Variants in KCNAB1 observed in about 807,000 individuals in gnomAD.
KCNAB1 encodes voltage-gated potassium channel subunit beta-1.
KCNAB1 carries 35 observed loss-of-function variants against 64.6 expected under a neutral mutation model. The observed-to-expected ratio is 0.54, with a 90% CI of 0.41 to 0.72. The LOEUF (loss-of-function observed/expected upper bound fraction) is 0.72, where lower values mean the gene tolerates loss of function less well. KCNAB1 is among the 30% of genes least tolerant of loss of function. The pLI, the probability that KCNAB1 is intolerant of heterozygous loss-of-function variation, is 0.00. For synonymous variants in KCNAB1, 177 were observed against 183.8 expected (o/e 0.96, Z 0.30); for missense variants, 401 against 512.9 (o/e 0.78, Z 2.11).
intron 8 of KCNAB1, among the ~76,000 whole-genome samples, chr3:156,476,729 A>G (rs1329506107): frequency 2.6e-5 from 4 of 152,160 alleles, no homozygotes; most frequent in Non-Finnish European, 5.9e-5. Flanking sequence ...ACTGTTTTCC[A>G]TAGTGGCTGT....
At chr3:156,330,872 G>A (rs1270765549) in intron 1 of KCNAB1, among the ~76,000 whole-genome samples, 1 of 152,146 alleles carries the variant, frequency 6.6e-6, no homozygotes, top group East Asian at 1.9e-4. Context: ...AAGCTTTATA[G>A]CAAAGCCCTT....
At chr3:156,350,473 C>T (rs1042135453) in intron 1 of KCNAB1, among the ~76,000 whole-genome samples, 2 of 149,038 alleles carry the variant, frequency 1.3e-5, no homozygotes, top group East Asian at 3.9e-4. Flanking sequence ...CACCACTGCA[C>T]TGTAGCCCCA....
At chr3:156,225,575 A>G (rs1716102221) in intron 1 of KCNAB1, among the ~76,000 whole-genome samples, 1 of 152,206 alleles carries the variant, frequency 6.6e-6, no homozygotes, top group African/African-American at 2.4e-5. Context: ...AGCCAGAGCA[A>G]TCAGACAAGA....
At chr3:156,492,968 T>C (rs1410509834) in intron 8 of KCNAB1, among the ~76,000 whole-genome samples, 2 of 152,148 alleles carry the variant, frequency 1.3e-5, no homozygotes, top group African/African-American at 4.8e-5. Context: ...CTTTGAGCAT[T>C]GACTCTTTAA....
intron 3 of KCNAB1, 134 bp downstream of exon 3, chr3:156,453,070 C>T (rs1712123146): frequency 1.8e-6 from 1 of 552,792 alleles, no homozygotes; most frequent in Non-Finnish European, 3.2e-6. Context: ...AAAATTGACT[C>T]AGAGATTATT....
intron 1 of KCNAB1, among the ~76,000 whole-genome samples, chr3:156,395,892 C>G (rs1048082123): frequency 6.6e-5 from 10 of 152,204 alleles, no homozygotes; most frequent in Non-Finnish European, 2.9e-5. Flanking sequence ...ACCTTCCTTA[C>G]TATTTCATAC....
At chr3:156,359,551 A>T (rs1725471131) in intron 1 of KCNAB1, among the ~76,000 whole-genome samples, 1 of 152,232 alleles carries the variant, frequency 6.6e-6, no homozygotes, top group Non-Finnish European at 1.5e-5. Context: ...AAGATCAGTG[A>T]CCTTAAAAAC....
intron 8 of KCNAB1, among the ~76,000 whole-genome samples, chr3:156,496,388 A>T (rs765094731): frequency 6.6e-6 from 1 of 151,962 alleles, no homozygotes; most frequent in Admixed American, 6.6e-5. Context: ...GTCTCATGAG[A>T]TCTGATGGTT....
chr3:156,224,674 C>A (rs1716035827), intron 1 of KCNAB1, among the ~76,000 whole-genome samples: 2 of 151,934 alleles, frequency 1.3e-5, no homozygotes, highest in Admixed American at 1.3e-4. Flanking sequence ...AATTGATAGA[C>A]CATTAGAGAG....
In KCNAB1 at chr3:156,397,470, T is replaced by A. The variant is rs1022184085; in HGVS notation, c.276-24146T>A. Among the ~76,000 whole-genome samples the A allele has an allele frequency of 2.0e-5, 3 of 152,216 alleles. No homozygotes were observed. The East Asian group carries it at 5.8e-4, about 29-fold the overall frequency. On this transcript the variant is annotated intron_variant, in intron 1 of 13. Transcript: ENST00000490337. ...AGAAAGACCTCAGGAATGGCTCATG[T>A]GGGAAATTAAGCTGTCTTTCTGAAG...
intron 1 of KCNAB1, among the ~76,000 whole-genome samples, chr3:156,302,169 C>T (rs188860147): frequency 1.3e-5 from 2 of 152,266 alleles, no homozygotes; most frequent in East Asian, 1.9e-4. Flanking sequence ...GTTCTGTCTT[C>T]ACGTCTCTTT....
chr3:156,122,295 C>T (rs187575693), intron 1 of KCNAB1, among the ~76,000 whole-genome samples: 9 of 152,298 alleles, frequency 5.9e-5, no homozygotes, highest in African/African-American at 9.6e-5. Context: ...TATTAAAGAT[C>T]CTCTAGGAAA....
intron 1 of KCNAB1, among the ~76,000 whole-genome samples, chr3:156,276,766 C>T (rs1020177118): frequency 1.3e-5 from 2 of 152,128 alleles, no homozygotes; most frequent in African/African-American, 4.8e-5. Flanking sequence ...TGGCCTTGCT[C>T]TGGATTGTGC....
intron 1 of KCNAB1, among the ~76,000 whole-genome samples, chr3:156,271,757 T>C (rs1042500884): frequency 5.9e-5 from 9 of 152,234 alleles, no homozygotes; most frequent in African/African-American, 2.2e-4. Context: ...TTGTAAATGT[T>C]CACCAGTGTC....
intron 1 of KCNAB1, among the ~76,000 whole-genome samples, chr3:156,314,725 A>G (rs9843027): frequency 0.015 from 2,328 of 152,352 alleles, 63 homozygotes; most frequent in African/African-American, 0.053. Context: ...TTCAATTTCT[A>G]TTACAGGCTG....
At chr3:156,527,494 T>C (rs1030825641) in intron 12 of KCNAB1, among the ~76,000 whole-genome samples, 3 of 152,142 alleles carry the variant, frequency 2.0e-5, no homozygotes, top group African/African-American at 7.2e-5. Flanking sequence ...GGTTTTTAGA[T>C]AGTAACATGA....
intron 1 of KCNAB1, among the ~76,000 whole-genome samples, chr3:156,293,759 A>C (rs1720606109): frequency 6.6e-6 from 1 of 152,220 alleles, no homozygotes; most frequent in African/African-American, 2.4e-5. Flanking sequence ...ACAGTTCTCT[A>C]AATGAGACTG....
chr3:156,473,513 A>G (rs995981424), intron 7 of KCNAB1, among the ~76,000 whole-genome samples: 1 of 152,196 alleles, frequency 6.6e-6, no homozygotes, highest in Non-Finnish European at 1.5e-5. Flanking sequence ...GTGCCTGAGC[A>G]TCACAGAAGG....
intron 1 of KCNAB1, among the ~76,000 whole-genome samples, chr3:156,332,858 T>C (rs930373584): frequency 3.3e-5 from 5 of 152,204 alleles, no homozygotes; most frequent in African/African-American, 9.6e-5. Flanking sequence ...TCAACTTTTT[T>C]CCCCTGGATT....
Sources: allele counts gnomAD v4.1 joint callset (sites outside exome capture counted in the v4.1 genomes callset), GRCh38; gene constraint gnomAD v4.1.1; transcripts MANE v1.5; gene names NCBI Gene and HGNC (gene_info 2026-07-23, HGNC 2026-07-21).